Variants in GNA14 observed in about 807,000 individuals in gnomAD.
GNA14 encodes the protein G protein subunit alpha 14, also known as guanine nucleotide-binding protein subunit alpha-14.
GNA14 carries 50 observed loss-of-function variants against 42.0 expected under a neutral mutation model. That is an observed-to-expected ratio of 1.19 (90% CI 0.95 to 1.51). The LOEUF (loss-of-function observed/expected upper bound fraction) is 1.51. Among genes scored for constraint, GNA14 ranks in the 40% most tolerant of loss-of-function variants. The probability of loss-of-function intolerance (pLI) is 0.00; values close to 1 mark genes in which losing one functional copy is unlikely to be tolerated. For synonymous variants in GNA14, 173 were observed against 163.1 expected, an observed-to-expected ratio of 1.06 and a Z score of -0.46; for missense variants, 473 against 446.2, an observed-to-expected ratio of 1.06 and a Z score of -0.54.
intron 1 of GNA14, among the ~76,000 whole-genome samples, chr9:77,594,828 G>T (rs1484914696): frequency 6.6e-6 from 1 of 152,204 alleles, no homozygotes; most frequent in Non-Finnish European, 1.5e-5. Flanking sequence ...CCGTGTGCAT[G>T]GGAGAGCAGC....
chr9:77,639,767 T>C (rs947902536), intron 1 of GNA14, among the ~76,000 whole-genome samples: 1 of 152,254 alleles, frequency 6.6e-6, no homozygotes, highest in Non-Finnish European at 1.5e-5. Flanking sequence ...CCATTAATTC[T>C]ATTTCCTGCT....
intron 1 of GNA14, among the ~76,000 whole-genome samples, chr9:77,576,534 G>A (rs1202215501): frequency 6.6e-6 from 1 of 152,100 alleles, no homozygotes; most frequent in Non-Finnish European, 1.5e-5. Context: ...AGTTTCAGTT[G>A]ATGCATTTGT....
intron 1 of GNA14, among the ~76,000 whole-genome samples, chr9:77,577,936 AG>A (rs1425550507): frequency 6.6e-6 from 1 of 152,172 alleles, no homozygotes; most frequent in Non-Finnish European, 1.5e-5. Context: ...CAATAGGTCA[AG>A]GGTCGTGGAG....
At chr9:77,529,783 A>G (rs1207388555) in intron 1 of GNA14, among the ~76,000 whole-genome samples, 1 of 152,156 alleles carries the variant, frequency 6.6e-6, no homozygotes, top group Admixed American at 6.5e-5. Context: ...AAAACTCACA[A>G]CACTTGCACA....
At chr9:77,462,311 A>G (rs938922579) in intron 2 of GNA14, among the ~76,000 whole-genome samples, 3 of 152,106 alleles carry the variant, frequency 2.0e-5, no homozygotes, top group Non-Finnish European at 2.9e-5. Context: ...TTGCTGGAAT[A>G]CCAGTGAGGG....
At chr9:77,598,200 TTA>T (rs1470904477) in intron 1 of GNA14, among the ~76,000 whole-genome samples, 1 of 152,208 alleles carries the variant, frequency 6.6e-6, no homozygotes, top group Non-Finnish European at 1.5e-5. Context: ...TCTATTACTT[TTA>T]GGGGTTCTAT....
At chr9:77,605,470 A>G (rs1490114239) in intron 1 of GNA14, among the ~76,000 whole-genome samples, 1 of 152,216 alleles carries the variant, frequency 6.6e-6, no homozygotes, top group Non-Finnish European at 1.5e-5. Context: ...TTCTCCCCCA[A>G]ACAGGTCATA....
chr9:77,477,160 G>C (rs77762539), intron 2 of GNA14, among the ~76,000 whole-genome samples: 2 of 151,990 alleles, frequency 1.3e-5, no homozygotes, highest in Non-Finnish European at 2.9e-5. Flanking sequence ...AGCTCGAGAC[G>C]AGCCGAGGCA....
rs987730031 is a variant in GNA14 at position 77,434,288 on chromosome 9, G to A, written c.464+80C>T. 5 of 1,328,978 alleles carry A rather than the reference G, an allele frequency of 3.8e-6. No individual in the cohort carries two copies. The African/African-American group carries it at 4.4e-5, about 12-fold the overall frequency. The allele number at this position is 1,328,978 out of a possible 1,614,324, so 82.3% of individuals were successfully genotyped here. ...CCACTGTGCACCGCATTTCAGCAGC[G>A]TTCAGCGAGAAACTTCTTTGAAGTG... is the stretch of plus-strand genomic sequence containing the variant. On this transcript the variant is annotated intron_variant, in intron 3 of 6. Coordinates refer to ENST00000341700, the MANE Select transcript of GNA14 (RefSeq NM_004297.4).
intron 2 of GNA14, among the ~76,000 whole-genome samples, chr9:77,446,832 A>G (rs1239439891): frequency 6.6e-6 from 1 of 152,198 alleles, no homozygotes; most frequent in African/African-American, 2.4e-5. Flanking sequence ...TATACAGCCA[A>G]AGAGAGAGAG....
intron 1 of GNA14, among the ~76,000 whole-genome samples, chr9:77,538,080 T>TTC (rs1259990126): frequency 6.0e-5 from 9 of 151,132 alleles, no homozygotes; most frequent in South Asian, 2.1e-4. Context: ...TTTTTTTTTT[T>TTC]CCCTTAAAGA....
chr9:77,565,264 A>T (rs1024168606), intron 1 of GNA14, among the ~76,000 whole-genome samples: 1 of 152,176 alleles, frequency 6.6e-6, no homozygotes, highest in Non-Finnish European at 1.5e-5. Flanking sequence ...TTTGAATGAG[A>T]CTGGTATGAA....
At chr9:77,499,372 T>C (rs2131742010) in intron 2 of GNA14, among the ~76,000 whole-genome samples, 1 of 143,134 alleles carries the variant, frequency 7.0e-6, no homozygotes, top group East Asian at 2.1e-4. Flanking sequence ...TAGTACTTCA[T>C]AGTTTACAAA....
intron 2 of GNA14, among the ~76,000 whole-genome samples, chr9:77,459,240 AAAAAAAAG>A (rs200725463): frequency 0.19 from 20,653 of 107,826 alleles, 1,567 homozygotes; most frequent in Non-Finnish European, 0.21. Context: ...AGTCTCAGGG[AAAAAAAAG>A]AAAAAAAAGA....
chr9:77,521,413 A>G (rs1022931617), intron 2 of GNA14, among the ~76,000 whole-genome samples: 17 of 152,184 alleles, frequency 1.1e-4, no homozygotes, highest in South Asian at 2.1e-4. Context: ...AGATGTTTTA[A>G]AAAGTAGAAC....
intron 2 of GNA14, among the ~76,000 whole-genome samples, chr9:77,526,288 G>A (rs1837437234): frequency 6.6e-6 from 1 of 151,994 alleles, no homozygotes; most frequent in South Asian, 2.1e-4. Flanking sequence ...TTGACTTTTA[G>A]GGATGTCGGG....
intron 2 of GNA14, among the ~76,000 whole-genome samples, chr9:77,469,303 A>C (rs189724225): frequency 1.4e-5 from 2 of 147,478 alleles, no homozygotes; most frequent in African/African-American, 2.5e-5. Flanking sequence ...GAAGTATTGC[A>C]TTCATATATA....
chr9:77,605,553 T>C (rs78772051), intron 1 of GNA14, among the ~76,000 whole-genome samples: 3,883 of 152,140 alleles, frequency 0.026, 73 homozygotes, highest in Middle Eastern at 0.051. Flanking sequence ...ATAAAGAAAA[T>C]GTGGTTCATT....
intron 1 of GNA14, among the ~76,000 whole-genome samples, chr9:77,611,459 A>C (rs1401737436): frequency 3.9e-5 from 6 of 152,186 alleles, no homozygotes; most frequent in Non-Finnish European, 1.5e-5. Context: ...GGAGAAAGAC[A>C]TTGCCTCTGT....
Sources: allele counts gnomAD v4.1 joint callset (sites outside exome capture counted in the v4.1 genomes callset), GRCh38; gene constraint gnomAD v4.1.1; transcripts MANE v1.5; gene names NCBI Gene and HGNC (gene_info 2026-07-23, HGNC 2026-07-21).